NTF3: variants seen among roughly 807,000 people sequenced by gnomAD.
NTF3 encodes neurotrophin 3.
Under a neutral mutation model 26.3 loss-of-function variants are expected in NTF3, and 8 were observed. That is an observed-to-expected ratio of 0.30 (90% CI 0.18 to 0.55). NTF3 has a LOEUF of 0.55. NTF3 is among the 20% of genes least tolerant of loss of function. The pLI is 0.93. For missense variants in NTF3, 276 were observed against 352.9 expected (o/e 0.78, Z 1.75); for synonymous variants, 154 against 145.5 (o/e 1.06, Z -0.42).
chr12:5,482,549 C>A (rs997679522), intron 1 of NTF3, among the ~76,000 whole-genome samples: 3 of 152,134 alleles, frequency 2.0e-5, no homozygotes, highest in Non-Finnish European at 4.4e-5. Context: ...AGTGCACATG[C>A]CCTCTGGACC....
intron 1 of NTF3, among the ~76,000 whole-genome samples, chr12:5,443,993 T>C (rs900488554): frequency 6.6e-6 from 1 of 152,214 alleles, no homozygotes; most frequent in African/African-American, 2.4e-5. Context: ...TTGAGAGACC[T>C]CAGCTCGTCA....
chr12:5,432,430 G>A (rs1167501920), intron 1 of NTF3, 88 bp downstream of exon 1: 3 of 1,465,588 alleles, frequency 2.0e-6, no homozygotes, highest in Non-Finnish European at 2.8e-6. Context: ...CTGGTGCGGG[G>A]GGCCCCAGAT....
Position 5,494,823 on chromosome 12 carries a change from C to T in NTF3, c.648C>T (p.Asn216=), listed in dbSNP as rs1805150. ...TRCKEARPVK[N]GCRGIDDKHW... is the part of the protein sequence containing the mutation. ...GTAAGGAAGCCAGGCCGGTCAAAAA[C>T]GGTTGCAGGGGTATTGATGATAAAC... Residue 216 remains asparagine (N), a synonymous_variant, in exon 2 of 2, where the codon AAC becomes AAT. Transcript: ENST00000423158. The surrounding 1 kb of genome is among the most constrained non-coding windows in gnomAD (Gnocchi z 8.3). The T allele has an allele frequency of 6.9e-4, 1,117 of 1,614,082 alleles. 20 individuals are homozygous for T. The East Asian group carries it at 0.021, about 30-fold the overall frequency.
chr12:5,469,572 A>G (rs1400101166), intron 1 of NTF3, among the ~76,000 whole-genome samples: 2 of 152,308 alleles, frequency 1.3e-5, no homozygotes, highest in Admixed American at 1.3e-4. Flanking sequence ...AATATAGGTG[A>G]CATATGGACG....
chr12:5,432,467 C>A, intron 1 of NTF3, 125 bp downstream of exon 1: 1 of 1,103,042 alleles, frequency 9.1e-7, no homozygotes, highest in South Asian at 1.4e-5. Flanking sequence ...CCCCATCGCG[C>A]CGCGCTCACT....
At position 5,433,268 on chromosome 12, in the gene NTF3, TG is replaced by T. The variant is rs1940122089; in HGVS notation, c.18+927del. The T allele has an allele frequency of 6.6e-6, 1 of 152,234 alleles. No individual in the cohort carries two copies. Among genetic ancestry groups the T allele is most frequent in the South Asian group, 2.1e-4 (1 of 4,820 alleles). The allele number at this position is 152,234 out of a possible 1,614,324, so 9.4% of individuals were successfully genotyped here. ...GATCTCCTTGCGGTATCGTCCAGCC[TG>T]TTCTCGGACTTTGAGCGGTGGCGTG... On this transcript the variant is annotated intron_variant, in intron 1 of 1. Transcript: ENST00000423158. This position sits in a 1 kb window ranked among gnomAD's most constrained non-coding sequence, Gnocchi z 4.6.
intron 1 of NTF3, among the ~76,000 whole-genome samples, chr12:5,471,771 C>T (rs542451552): frequency 6.6e-6 from 1 of 152,126 alleles, no homozygotes; most frequent in South Asian, 2.1e-4. Context: ...TCTCCTCGTG[C>T]ATATCTGTCT....
upstream of NTF3, among the ~76,000 whole-genome samples, chr12:5,431,156 G>A (rs1197487810): frequency 6.6e-6 from 1 of 152,076 alleles, no homozygotes; most frequent in Non-Finnish European, 1.5e-5. Context: ...CCACCGGTGG[G>A]GAAGTGAGCG....
chr12:5,486,792 A>T (rs2121246653), intron 1 of NTF3, among the ~76,000 whole-genome samples: 2 of 152,332 alleles, frequency 1.3e-5, no homozygotes, highest in Middle Eastern at 3.4e-3. Context: ...AAATGATTCA[A>T]TAATTTGAAA....
At chr12:5,478,308 T>C (rs1289102785) in intron 1 of NTF3, among the ~76,000 whole-genome samples, 2 of 152,392 alleles carry the variant, frequency 1.3e-5, no homozygotes, top group African/African-American at 2.4e-5. Flanking sequence ...CTTGGAAGCA[T>C]CCATGCATTG....
At chr12:5,468,637 G>T (rs1389421457) in intron 1 of NTF3, among the ~76,000 whole-genome samples, 3 of 152,198 alleles carry the variant, frequency 2.0e-5, no homozygotes, top group Non-Finnish European at 4.4e-5. Flanking sequence ...AAAAATGGTA[G>T]CTTAGAGCTT....
Position 5,492,098 on chromosome 12 carries a change from A to G in NTF3, c.19-2096A>G, listed in dbSNP as rs145710551. On this transcript the variant is annotated intron_variant, in intron 1 of 1. Transcript: ENST00000423158. ...ATTAGATGGCCTCTTTATATGGCTT[A>G]TCTACTTCTAATAAACTTTGGTTCC... Among the ~76,000 whole-genome samples the G allele has an allele frequency of 3.9e-5, 6 of 152,240 alleles. No individual in the cohort carries two copies. The East Asian group carries it at 1.2e-3, about 29-fold the overall frequency.
intron 1 of NTF3, among the ~76,000 whole-genome samples, chr12:5,439,910 G>A (rs1304747465): frequency 1.3e-5 from 2 of 152,216 alleles, no homozygotes; most frequent in African/African-American, 4.8e-5. Context: ...TTGCTGGGAG[G>A]TTGGGGGGCA....
intron 1 of NTF3, among the ~76,000 whole-genome samples, chr12:5,464,561 C>T (rs1203874541): frequency 6.6e-6 from 1 of 152,166 alleles, no homozygotes; most frequent in African/African-American, 2.4e-5. Flanking sequence ...AGCATCTCCA[C>T]AGATTCCTGA....
chr12:5,491,231 C>CT (rs1940932367), intron 1 of NTF3, among the ~76,000 whole-genome samples: 1 of 152,134 alleles, frequency 6.6e-6, no homozygotes, highest in African/African-American at 2.4e-5. Context: ...CTGCAAACCT[C>CT]TGTGTTTTGG....
At chr12:5,490,139 C>T (rs1266363362) in intron 1 of NTF3, among the ~76,000 whole-genome samples, 5 of 152,116 alleles carry the variant, frequency 3.3e-5, no homozygotes, top group African/African-American at 1.2e-4. Flanking sequence ...GCCTGGGGAC[C>T]ATGGCCGACT....
intron 1 of NTF3, among the ~76,000 whole-genome samples, chr12:5,460,711 AT>A (rs920216294): frequency 6.6e-6 from 1 of 152,126 alleles, no homozygotes; most frequent in African/African-American, 2.4e-5. Flanking sequence ...CAGAGCCCCC[AT>A]CCCAGTTTTA....
chr12:5,474,133 T>C (rs1471461060), intron 1 of NTF3, among the ~76,000 whole-genome samples: 1 of 152,186 alleles, frequency 6.6e-6, no homozygotes, highest in Non-Finnish European at 1.5e-5. Context: ...AAAAGCATAT[T>C]TCAGGCTTCT....
At chr12:5,446,604 T>C (rs889832901) in intron 1 of NTF3, among the ~76,000 whole-genome samples, 1 of 151,890 alleles carries the variant, frequency 6.6e-6, no homozygotes, top group African/African-American at 2.4e-5. Flanking sequence ...AGCCAGGGAG[T>C]AGAGGTTCAG....
Sources: gnomAD v4.1 joint callset for allele counts (sites outside exome capture counted in the v4.1 genomes callset) on GRCh38, gnomAD v4.1.1 for gene constraint, Gnocchi (gnomAD v3.1) non-coding constraint, MANE v1.5 for transcripts, NCBI Gene and HGNC (gene_info 2026-07-23, HGNC 2026-07-21) for gene names.